HMBOX1: variants seen among roughly 807,000 people sequenced by gnomAD.
HMBOX1 encodes the protein homeobox containing 1.
HMBOX1 carries 14 observed loss-of-function variants against 54.5 expected under a neutral mutation model. The ratio of observed to expected loss-of-function variants is 0.26; its 90% CI spans 0.17 to 0.40. The LOEUF (loss-of-function observed/expected upper bound fraction) is 0.40. Ranked by LOEUF, HMBOX1 falls within the 10% of genes least tolerant of loss-of-function variation. The pLI, the probability that HMBOX1 is intolerant of heterozygous loss-of-function variation, is 1.00. For missense variants in HMBOX1, 332 were observed against 514.4 expected (o/e 0.65, Z 3.43); for synonymous variants, 160 against 181.0 (o/e 0.88, Z 0.93).
chr8:28,988,755 T>C (rs887790623), intron 4 of HMBOX1, among the ~76,000 whole-genome samples: 5 of 152,192 alleles, frequency 3.3e-5, no homozygotes, highest in Non-Finnish European at 1.5e-5. Context: ...GTCAAATCTT[T>C]TGTCTATTTT....
intron 1 of HMBOX1, among the ~76,000 whole-genome samples, chr8:28,952,355 T>G (rs567647510): frequency 6.6e-6 from 1 of 152,138 alleles, no homozygotes; most frequent in South Asian, 2.1e-4. Context: ...TGCCTCAGCC[T>G]CCCGAGTAGC....
chr8:28,996,072 C>G (rs1266857035), intron 4 of HMBOX1, among the ~76,000 whole-genome samples: 3 of 151,946 alleles, frequency 2.0e-5, no homozygotes, highest in African/African-American at 7.3e-5. Flanking sequence ...CGCCACTGCA[C>G]TCCAGCCTGG....
chr8:28,891,953 A>T (rs953097162), intron 1 of HMBOX1, among the ~76,000 whole-genome samples: 1 of 152,146 alleles, frequency 6.6e-6, no homozygotes, highest in Admixed American at 6.5e-5. Flanking sequence ...GGTATCCTGC[A>T]GGTACAGAAA....
intron 1 of HMBOX1, among the ~76,000 whole-genome samples, chr8:28,897,997 A>T (rs1454990737): frequency 2.6e-5 from 4 of 152,216 alleles, no homozygotes; most frequent in Non-Finnish European, 4.4e-5. Context: ...GTTAAAGGAT[A>T]GTTACAGGGT....
chr8:29,014,164 G>A (rs1834635730), intron 5 of HMBOX1, among the ~76,000 whole-genome samples: 2 of 151,922 alleles, frequency 1.3e-5, no homozygotes, highest in African/African-American at 2.4e-5. Context: ...ATTTTTATAT[G>A]TCTTAACAAG....
chr8:29,041,325 C>T (rs912726318), intron 6 of HMBOX1, among the ~76,000 whole-genome samples: 3 of 152,144 alleles, frequency 2.0e-5, no homozygotes, highest in African/African-American at 7.2e-5. Context: ...CTTCAAGATC[C>T]GTTTTGCAAT....
chr8:28,977,321 C>A (rs761142157), intron 3 of HMBOX1, among the ~76,000 whole-genome samples: 6 of 152,126 alleles, frequency 3.9e-5, no homozygotes, highest in Non-Finnish European at 8.8e-5. Context: ...TTTTATTTAA[C>A]CTGAATAAAT....
rs571903118 is a variant in HMBOX1, at chr8:28,944,672, A to G, written c.-57-19139A>G. Among the ~76,000 whole-genome samples the G allele has an allele frequency of 1.4e-4, 22 of 152,270 alleles. No individual in the cohort carries two copies. In the South Asian group the frequency reaches 4.6e-3, roughly 32 times the overall value. On this transcript the variant is annotated intron_variant, in intron 1 of 9. Coordinates refer to ENST00000287701, the MANE Select transcript of HMBOX1 (RefSeq NM_001135726.3). ...CACTGGAGAGAGGTGTACAGTTGTC[A>G]CTAATCATTTTTCCTCTTCCTCTTG...
intron 3 of HMBOX1, among the ~76,000 whole-genome samples, chr8:28,973,846 G>C (rs527854404): frequency 1.3e-5 from 1 of 75,012 alleles, no homozygotes. Flanking sequence ...AGACAGTCTC[G>C]CTCTGTCACC....
At chr8:28,983,290 G>A (rs894691765) in intron 4 of HMBOX1, among the ~76,000 whole-genome samples, 2 of 151,876 alleles carry the variant, frequency 1.3e-5, no homozygotes, top group African/African-American at 4.8e-5. Context: ...CAGCCTTTTC[G>A]TTTGTTGCCA....
intron 6 of HMBOX1, among the ~76,000 whole-genome samples, chr8:29,037,215 T>C (rs878959620): frequency 6.6e-6 from 1 of 152,188 alleles, no homozygotes; most frequent in Non-Finnish European, 1.5e-5. Flanking sequence ...AAAAATAAGC[T>C]CATCTGTAAA....
intron 4 of HMBOX1, among the ~76,000 whole-genome samples, chr8:29,003,982 A>C (rs1586414778): frequency 6.6e-6 from 1 of 152,192 alleles, no homozygotes; most frequent in South Asian, 2.1e-4. Context: ...TGAGATTCCA[A>C]ACTTCTGGAA....
chr8:28,982,665 G>T (rs528782945), intron 4 of HMBOX1, among the ~76,000 whole-genome samples: 2 of 149,488 alleles, frequency 1.3e-5, no homozygotes, highest in South Asian at 4.2e-4. Context: ...TTGCTCTGTC[G>T]CCCAAGCTAG....
At chr8:28,961,920 C>CCT (rs1825678881) in intron 1 of HMBOX1, among the ~76,000 whole-genome samples, 1 of 116,522 alleles carries the variant, frequency 8.6e-6, no homozygotes, top group Admixed American at 9.8e-5. Flanking sequence ...TTTCTTTTTT[C>CCT]TTTTTTTTTT....
Position 28,910,893 on chromosome 8 carries a change from A to C in HMBOX1, c.-58+20215A>C, listed in dbSNP as rs578071821. On this transcript the variant is annotated intron_variant, in intron 1 of 9. Transcript: ENST00000287701. ...TTAAAATTCATGCTCATTTTAAAGA[A>C]TCACAGAGACTAATGAAATGAGAGA... is the stretch of plus-strand genomic sequence containing the variant. Among the ~76,000 whole-genome samples, 3 of 152,204 alleles carry C rather than the reference A, an allele frequency of 2.0e-5. No homozygotes were observed. In the South Asian group the frequency reaches 6.2e-4, roughly 31 times the overall value.
chr8:28,902,557 A>G (rs1194058005), intron 1 of HMBOX1, among the ~76,000 whole-genome samples: 1 of 152,182 alleles, frequency 6.6e-6, no homozygotes, highest in Non-Finnish European at 1.5e-5. Flanking sequence ...ATTATGGGGA[A>G]AACATAATGT....
intron 5 of HMBOX1, among the ~76,000 whole-genome samples, chr8:29,017,727 AAG>A (rs1342516880): frequency 1.3e-5 from 2 of 152,218 alleles, no homozygotes; most frequent in Non-Finnish European, 2.9e-5. Flanking sequence ...ACATCTGTGT[AAG>A]AGAATACATC....
chr8:29,044,112 G>A (rs901512811), intron 6 of HMBOX1, among the ~76,000 whole-genome samples: 36 of 152,252 alleles, frequency 2.4e-4, no homozygotes, highest in African/African-American at 7.9e-4. Flanking sequence ...AAGGAGGAGT[G>A]GGCAGTGAGA....
chr8:28,994,077 G>C (rs1831401158), intron 4 of HMBOX1, among the ~76,000 whole-genome samples: 1 of 150,034 alleles, frequency 6.7e-6, no homozygotes, highest in Non-Finnish European at 1.5e-5. Flanking sequence ...TGAGGAAGGA[G>C]AATCATTTGA....
Sources: allele counts gnomAD v4.1 joint callset (sites outside exome capture counted in the v4.1 genomes callset), GRCh38; gene constraint gnomAD v4.1.1; transcripts MANE v1.5; gene names NCBI Gene and HGNC (gene_info 2026-07-23, HGNC 2026-07-21).